Variants in LRCH1 observed in about 807,000 individuals in gnomAD.
LRCH1 encodes the protein leucine-rich repeat and calponin homology domain-containing protein 1.
A neutral mutation model predicts 94.9 loss-of-function variants in LRCH1; 23 were observed. That is an observed-to-expected ratio of 0.24 (90% confidence interval 0.17 to 0.34). The LOEUF (loss-of-function observed/expected upper bound fraction) is 0.34. Ranked by LOEUF, LRCH1 falls within the 10% of genes least tolerant of loss-of-function variation. The pLI, the probability that LRCH1 is intolerant of heterozygous loss-of-function variation, is 1.00. For synonymous variants in LRCH1, 364 were observed against 354.9 expected (o/e 1.03, Z -0.29); for missense variants, 790 against 945.9 (o/e 0.84, Z 2.16).
chr13:46,705,661 GA>G, intron 13 of LRCH1: 1 of 390,280 alleles, frequency 2.6e-6, no homozygotes, highest in Non-Finnish European at 4.8e-6. Context: ...TTAGAGCCAA[GA>G]AAAGGTCTGG....
chr13:46,750,504 A>T (rs1228888646), intron 18 of LRCH1: 3 of 1,386,278 alleles, frequency 2.2e-6, no homozygotes, highest in East Asian at 5.0e-5. Flanking sequence ...GAGTACAATC[A>T]TCTAAAAATT....
In LRCH1 at chr13:46,630,320, G is replaced by A. The variant is rs2051003236; in HGVS notation, c.308-19881G>A. Among the ~76,000 whole-genome samples, 2 of 152,086 alleles carry A rather than the reference G, an allele frequency of 1.3e-5. 1 individual carries two copies. On this transcript the variant is annotated intron_variant, in intron 1 of 19. Coordinates refer to ENST00000389797, the MANE Select transcript of LRCH1 (RefSeq NM_001164211.2). ...AGTTGATTATAAGTTATAAAAATGGGCATTCTCTTTGTGATCTTAGCTTCC... is the reference window on the plus strand; with the variant it reads ...AGTTGATTATAAGTTATAAAAATGGACATTCTCTTTGTGATCTTAGCTTCC...
chr13:46,671,407 C>G (rs1375609409), intron 3 of LRCH1, among the ~76,000 whole-genome samples: 3 of 152,236 alleles, frequency 2.0e-5, no homozygotes, highest in African/African-American at 7.2e-5. Context: ...TGCCTGGCAC[C>G]TGATAGGCAC....
intron 1 of LRCH1, among the ~76,000 whole-genome samples, chr13:46,641,670 G>A (rs907862058): frequency 6.6e-6 from 1 of 152,128 alleles, no homozygotes. Flanking sequence ...ATGGCTGCTC[G>A]ATGGCTCTGG....
intron 1 of LRCH1, among the ~76,000 whole-genome samples, chr13:46,617,764 T>G (rs1022463551): frequency 2.0e-5 from 3 of 152,250 alleles, no homozygotes; most frequent in Non-Finnish European, 4.4e-5. Context: ...TCTCAGAATT[T>G]TTAAGAATGT....
intron 3 of LRCH1, 44 bp downstream of exon 3, chr13:46,669,200 G>T: frequency 6.2e-7 from 1 of 1,605,540 alleles, no homozygotes; most frequent in Non-Finnish European, 8.5e-7. Context: ...TTGGTTGACT[G>T]ATCATAGCCT....
chr13:46,570,604 A>C (rs920655171), intron 1 of LRCH1, among the ~76,000 whole-genome samples: 1 of 152,254 alleles, frequency 6.6e-6, no homozygotes. Context: ...ATATTAGGGA[A>C]ACTTTTCAAT....
chr13:46,578,821 G>T (rs1049050412), intron 1 of LRCH1, among the ~76,000 whole-genome samples: 6 of 152,090 alleles, frequency 3.9e-5, no homozygotes, highest in Non-Finnish European at 2.9e-5. Flanking sequence ...GGAGGGGGAT[G>T]TACAGGGTGT....
intron 19 of LRCH1, among the ~76,000 whole-genome samples, chr13:46,738,242 T>C (rs1341194186): frequency 1.3e-5 from 2 of 152,192 alleles, no homozygotes; most frequent in African/African-American, 2.4e-5. Flanking sequence ...GGAGAAAGTT[T>C]TCATTCCACA....
At chr13:46,573,863 TATA>T (rs146607580) in intron 1 of LRCH1, among the ~76,000 whole-genome samples, 1 of 78,702 alleles carries the variant, frequency 1.3e-5, no homozygotes, top group African/African-American at 6.5e-5. Context: ...TATATATATA[TATA>T]TTTTTTTTTT....
intron 1 of LRCH1, among the ~76,000 whole-genome samples, chr13:46,556,602 C>T (rs1300714948): frequency 6.6e-6 from 1 of 152,130 alleles, no homozygotes; most frequent in Non-Finnish European, 1.5e-5. Context: ...ATCTTAGTCC[C>T]CACTAGGAGC....
At chr13:46,670,737 G>A (rs556701849) in intron 3 of LRCH1, among the ~76,000 whole-genome samples, 1 of 145,690 alleles carries the variant, frequency 6.9e-6, no homozygotes, top group Non-Finnish European at 1.5e-5. Flanking sequence ...TTCAGTCTTC[G>A]GGTTGTGAGA....
downstream of LRCH1, among the ~76,000 whole-genome samples, chr13:46,749,623 CAAAG>C (rs774123383): frequency 9.3e-5 from 14 of 150,336 alleles, no homozygotes; most frequent in African/African-American, 2.2e-4. Context: ...TTTTTCCTGT[CAAAG>C]AAAAGAAAAA....
intron 8 of LRCH1, among the ~76,000 whole-genome samples, chr13:46,693,546 T>C (rs1302363083): frequency 6.6e-6 from 1 of 152,216 alleles, no homozygotes; most frequent in African/African-American, 2.4e-5. Context: ...AAGAAGCTAC[T>C]TGACTTTGGC....
intron 1 of LRCH1, among the ~76,000 whole-genome samples, chr13:46,560,114 C>G (rs2050113403): frequency 9.3e-6 from 1 of 107,892 alleles, no homozygotes; most frequent in Admixed American, 1.0e-4. Context: ...CTATTTTCCT[C>G]TTTTGTGTAT....
downstream of LRCH1, among the ~76,000 whole-genome samples, chr13:46,746,980 C>T (rs1873935895): frequency 6.6e-6 from 1 of 152,176 alleles, no homozygotes; most frequent in Non-Finnish European, 1.5e-5. Context: ...GATAGAATAA[C>T]CAGAATGGCC....
chr13:46,674,959 A>G (rs2051651105), intron 3 of LRCH1, among the ~76,000 whole-genome samples: 1 of 152,130 alleles, frequency 6.6e-6, no homozygotes, highest in Admixed American at 6.5e-5. Context: ...TTTAACTCCT[A>G]GTGGTTTTTC....
intron 1 of LRCH1, among the ~76,000 whole-genome samples, chr13:46,604,059 A>G (rs1159303939): frequency 6.6e-6 from 1 of 152,350 alleles, no homozygotes; most frequent in Non-Finnish European, 1.5e-5. Context: ...TTGGAGGAGT[A>G]TTGAAAGAAT....
At chr13:46,650,907 G>C (rs763360009) in intron 2 of LRCH1, among the ~76,000 whole-genome samples, 8 of 152,146 alleles carry the variant, frequency 5.3e-5, no homozygotes, top group Non-Finnish European at 1.2e-4. Flanking sequence ...CGCTAACTTA[G>C]GTCAGTGTTT....
Sources: allele counts gnomAD v4.1 joint callset (sites outside exome capture counted in the v4.1 genomes callset), GRCh38; gene constraint gnomAD v4.1.1; transcripts MANE v1.5; gene names NCBI Gene and HGNC (gene_info 2026-07-23, HGNC 2026-07-21).